MYZAP: variants seen among roughly 807,000 people sequenced by gnomAD.
MYZAP encodes the protein GRINL1A complex locus upstream.
A neutral mutation model predicts 69.4 loss-of-function variants in MYZAP; 66 were observed. That is an observed-to-expected ratio of 0.95 (90% CI 0.78 to 1.17). MYZAP has a LOEUF of 1.17. MYZAP is among the 50% of genes most tolerant of loss of function. The pLI is 0.00. For synonymous variants in MYZAP, 256 were observed against 205.9 expected, an observed-to-expected ratio of 1.24 and a Z score of -2.09; for missense variants, 611 against 556.2, an observed-to-expected ratio of 1.10 and a Z score of -0.99.
At chr15:57,617,126 A>G (rs1237602902) in intron 2 of MYZAP, among the ~76,000 whole-genome samples, 1 of 152,122 alleles carries the variant, frequency 6.6e-6, no homozygotes, top group Non-Finnish European at 1.5e-5. Flanking sequence ...GTCAGACAGA[A>G]TCACAGAGCC....
Position 57,602,597 on chromosome 15 carries a change from G to A in MYZAP, c.76-1672G>A, listed in dbSNP as rs115749590. Among the ~76,000 whole-genome samples the A allele has an allele frequency of 9.3e-3, 1,422 of 152,322 alleles. 23 individuals are homozygous for A. The highest frequency in any genetic ancestry group is 0.032 in the African/African-American group (1,349 of 41,550). ...TTCAATGGATGAATTTTAGAGGGATGCAATTCAACCCATATTAGGGAGCCA... is the reference window on the plus strand; with the variant it reads ...TTCAATGGATGAATTTTAGAGGGATACAATTCAACCCATATTAGGGAGCCA... On this transcript the variant is annotated intron_variant, in intron 1 of 12. Transcript: ENST00000267853.
intron 6 of MYZAP, among the ~76,000 whole-genome samples, chr15:57,631,115 A>G (rs2036478235): frequency 6.6e-6 from 1 of 152,208 alleles, no homozygotes; most frequent in African/African-American, 2.4e-5. Context: ...TTTCTCAGTA[A>G]GAGTTACTTG....
intron 10 of MYZAP, among the ~76,000 whole-genome samples, chr15:57,656,238 T>A (rs2038005021): frequency 6.6e-6 from 1 of 152,154 alleles, no homozygotes; most frequent in Non-Finnish European, 1.5e-5. Flanking sequence ...TCCAGACAGT[T>A]TTCCCCCTGA....
At chr15:57,617,818 C>G (rs150299609) in intron 2 of MYZAP, among the ~76,000 whole-genome samples, 2,248 of 152,240 alleles carry the variant, frequency 0.015, 30 homozygotes, top group South Asian at 0.045. Context: ...CATTAGCAAA[C>G]GGTGCTCTTC....
intron 2 of MYZAP, among the ~76,000 whole-genome samples, chr15:57,609,555 T>G (rs1341306027): frequency 6.6e-6 from 1 of 152,184 alleles, no homozygotes; most frequent in Non-Finnish European, 1.5e-5. Flanking sequence ...CTTGACCTGC[T>G]CTCCATATAA....
intron 12 of MYZAP, among the ~76,000 whole-genome samples, chr15:57,683,875 A>T (rs531388867): frequency 6.6e-4 from 101 of 151,988 alleles, no homozygotes; most frequent in African/African-American, 2.3e-3. Context: ...GCTTACTGCA[A>T]CCTCTGCCTC....
chr15:57,639,656 G>A (rs2037024396), intron 10 of MYZAP, 111 bp downstream of exon 10: 1 of 1,249,892 alleles, frequency 8.0e-7, no homozygotes, highest in African/African-American at 1.5e-5. Context: ...AAGCCGAGGT[G>A]CTCAGGCCAC....
At chr15:57,623,087 A>T (rs2035916147) in intron 4 of MYZAP, among the ~76,000 whole-genome samples, 1 of 152,210 alleles carries the variant, frequency 6.6e-6, no homozygotes, top group Admixed American at 6.5e-5. Context: ...GTATGACAGG[A>T]TGCTCTGCCT....
intron 11 of MYZAP, among the ~76,000 whole-genome samples, chr15:57,663,050 G>A (rs1050448079): frequency 1.1e-4 from 16 of 152,286 alleles, no homozygotes; most frequent in African/African-American, 2.9e-4. Flanking sequence ...ATTCCTTTCT[G>A]AAATTGCAGC....
At chr15:57,674,409 A>G (rs1266609837) in intron 11 of MYZAP, among the ~76,000 whole-genome samples, 3 of 152,182 alleles carry the variant, frequency 2.0e-5, no homozygotes, top group African/African-American at 7.2e-5. Flanking sequence ...GAGATTCTGA[A>G]TTTTCCACAC....
chr15:57,674,640 G>A (rs1275187391), intron 11 of MYZAP, among the ~76,000 whole-genome samples: 2 of 152,178 alleles, frequency 1.3e-5, no homozygotes, highest in Non-Finnish European at 2.9e-5. Context: ...AAAATAGTTT[G>A]TTGACATAAA....
At chr15:57,600,483 G>C (rs1226640578) in intron 1 of MYZAP, among the ~76,000 whole-genome samples, 3 of 152,158 alleles carry the variant, frequency 2.0e-5, no homozygotes, top group African/African-American at 7.2e-5. Context: ...CTTCATATAA[G>C]GGTTGCCCAG....
At chr15:57,616,714 G>T (rs1466666087) in intron 2 of MYZAP, among the ~76,000 whole-genome samples, 1 of 151,522 alleles carries the variant, frequency 6.6e-6, no homozygotes, top group African/African-American at 2.4e-5. Flanking sequence ...GAAGACTGAG[G>T]CAGGAGAATC....
intron 11 of MYZAP, among the ~76,000 whole-genome samples, chr15:57,665,492 C>T (rs2038522292): frequency 6.6e-6 from 1 of 152,210 alleles, no homozygotes. Context: ...CTCCTCTTAG[C>T]CACAGTGCTG....
chr15:57,670,039 C>G (rs1490859655), intron 11 of MYZAP, among the ~76,000 whole-genome samples: 2 of 152,048 alleles, frequency 1.3e-5, no homozygotes, highest in Non-Finnish European at 2.9e-5. Flanking sequence ...TATTTTATGG[C>G]TCAGCATATA....
intron 9 of MYZAP, among the ~76,000 whole-genome samples, chr15:57,638,000 C>G (rs1410204699): frequency 6.6e-6 from 1 of 152,180 alleles, no homozygotes; most frequent in African/African-American, 2.4e-5. Context: ...TGGAACACAT[C>G]AAATACTTTC....
At chr15:57,642,781 A>T (rs532134069) in intron 10 of MYZAP, among the ~76,000 whole-genome samples, 15 of 152,302 alleles carry the variant, frequency 9.8e-5, no homozygotes, top group African/African-American at 3.6e-4. Flanking sequence ...AGTAATAATA[A>T]ATAATAAAAA....
intron 8 of MYZAP, 25 bp downstream of exon 8, chr15:57,633,766 G>T (rs776140348): frequency 6.7e-7 from 1 of 1,499,110 alleles, no homozygotes; most frequent in Non-Finnish European, 8.9e-7. Flanking sequence ...TGGGCCTATT[G>T]CCCACTTGCC....
intron 10 of MYZAP, among the ~76,000 whole-genome samples, chr15:57,652,740 C>T (rs186620431): frequency 6.6e-6 from 1 of 152,290 alleles, no homozygotes; most frequent in African/African-American, 2.4e-5. Context: ...CCCAAGTGAG[C>T]TCTAGAAGGT....
Sources: allele counts gnomAD v4.1 joint callset (sites outside exome capture counted in the v4.1 genomes callset), GRCh38; gene constraint gnomAD v4.1.1; transcripts MANE v1.5; gene names NCBI Gene and HGNC (gene_info 2026-07-23, HGNC 2026-07-21).